Variants in ENPEP observed in about 807,000 individuals in gnomAD.
ENPEP encodes glutamyl aminopeptidase.
In ENPEP, 103 loss-of-function variants were observed where a neutral mutation model predicts 114.5. That is an observed-to-expected ratio of 0.90 (90% CI 0.77 to 1.06). ENPEP has a LOEUF of 1.06. Among genes scored for constraint, ENPEP ranks in the 50% least tolerant of loss-of-function variants. The pLI is 0.00. For missense variants in ENPEP, 1,196 were observed against 1,161.3 expected (o/e 1.03, Z -0.43); for synonymous variants, 420 against 422.0 (o/e 1.00, Z 0.06).
chr4:110,505,871 A>G (rs1725352778), intron 3 of ENPEP, among the ~76,000 whole-genome samples: 1 of 152,202 alleles, frequency 6.6e-6, no homozygotes, highest in Non-Finnish European at 1.5e-5. Flanking sequence ...TCACGACACT[A>G]TGTTGAAGAG....
chr4:110,558,270 T>TTA lies in ENPEP; in HGVS notation c.2643-1354_2643-1353dup, dbSNP rs5861011. Among the ~76,000 whole-genome samples, 1,355 of 141,674 alleles carry TTA rather than the reference T, an allele frequency of 9.6e-3. 9 individuals carry two copies. The highest frequency in any genetic ancestry group is 0.022 in the Middle Eastern group (6 of 272). The allele number at this position is 141,674 out of a possible 152,430, so 92.9% of individuals were successfully genotyped here. A position where few individuals can be genotyped will look rare whatever the true frequency, so the allele number is the denominator to read the frequency against. On this transcript the variant is annotated intron_variant, in intron 18 of 19. Transcript: ENST00000265162. ...TGGAAACATTTAATATTTATAAAAA[T>TTA]TATATATATATATATATATATATAA...
Position 110,476,244 on chromosome 4 carries a change from A to C in ENPEP, c.-171A>C. 6 of 701,312 alleles carry C rather than the reference A, an allele frequency of 8.6e-6. No homozygotes were observed. Among genetic ancestry groups the C allele is most frequent in the East Asian group, 2.9e-5 (1 of 34,846 alleles). 43.4% of individuals were successfully genotyped at this position (701,312 alleles called of 1,614,324 possible). ...CATTCATCCTGAGTGGCTGGTGGGA[A>C]CGTGAAAAGGGAGAGGAAAAGGCGC... On this transcript the variant is annotated 5_prime_UTR_variant, in exon 1 of 20. Coordinates refer to ENST00000265162, the MANE Select transcript of ENPEP (RefSeq NM_001977.4).
At chr4:110,556,232 A>G (rs895397196) in intron 18 of ENPEP, among the ~76,000 whole-genome samples, 30 of 152,110 alleles carry the variant, frequency 2.0e-4, no homozygotes, top group African/African-American at 7.2e-4. Flanking sequence ...CAAAATGCAT[A>G]CAAACAAAAA....
chr4:110,526,571 C>T (rs1237485758), intron 10 of ENPEP, among the ~76,000 whole-genome samples: 1 of 151,948 alleles, frequency 6.6e-6, no homozygotes, highest in East Asian at 1.9e-4. Context: ...GAGGTGAAGA[C>T]GAAGAGGAAG....
intron 13 of ENPEP, among the ~76,000 whole-genome samples, chr4:110,546,791 G>T (rs1727086025): frequency 2.0e-5 from 3 of 152,072 alleles, no homozygotes; most frequent in Admixed American, 2.0e-4. Flanking sequence ...AATGGGAAAA[G>T]AATCCAAAGG....
chr4:110,528,673 T>G (rs1452039858), intron 10 of ENPEP, among the ~76,000 whole-genome samples: 1 of 152,192 alleles, frequency 6.6e-6, no homozygotes, highest in Non-Finnish European at 1.5e-5. Flanking sequence ...CCGGGATGTC[T>G]CTCTCAGGAA....
intron 1 of ENPEP, among the ~76,000 whole-genome samples, chr4:110,482,014 G>A (rs1724327700): frequency 2.6e-5 from 4 of 152,130 alleles, no homozygotes; most frequent in Non-Finnish European, 5.9e-5. Flanking sequence ...TATATGAACA[G>A]GCTAGCTAGA....
chr4:110,519,454 G>T, intron 8 of ENPEP: 1 of 166,442 alleles, frequency 6.0e-6, no homozygotes, highest in Non-Finnish European at 1.3e-5. Context: ...AGAAGACTGG[G>T]AATTTTTTCT....
chr4:110,563,238 G>T lies in ENPEP; in HGVS notation c.*1680G>T, dbSNP rs1331427336. On this transcript the variant is annotated 3_prime_UTR_variant, in exon 20 of 20. Transcript: ENST00000265162. ...TTTCAAGTAGGACATATTATGAGGT[G>T]AGATGGTTTATCCTTCTGTTTTATG... The T allele has an allele frequency of 6.6e-6, 1 of 152,108 alleles. No homozygotes were observed. The allele number at this position is 152,108 out of a possible 1,614,324, so 9.4% of individuals were successfully genotyped here.
At chr4:110,485,340 G>A (rs13118687) in intron 1 of ENPEP, among the ~76,000 whole-genome samples, 62,333 of 151,964 alleles carry the variant, frequency 0.41, 13,505 homozygotes, top group Middle Eastern at 0.56. Context: ...TTATAAGAAC[G>A]GTACTAGGAA....
chr4:110,519,199 G>A (rs1416219936), intron 8 of ENPEP: 22 of 420,748 alleles, frequency 5.2e-5, no homozygotes, highest in South Asian at 3.6e-4. Flanking sequence ...TTATCTCTAT[G>A]TCTGAAAAGA....
Position 110,563,438 on chromosome 4 carries a change from G to A in ENPEP, c.*1880G>A, listed in dbSNP as rs1425841946. Reference sequence around the variant, plus strand: ...GTTTACTTCTTTTCACTCCACACGCGAAAGAGTTGTATGTACTTTGTCAGA... The same window carrying A: ...GTTTACTTCTTTTCACTCCACACGCAAAAGAGTTGTATGTACTTTGTCAGA... On this transcript the variant is annotated 3_prime_UTR_variant, in exon 20 of 20. Transcript: ENST00000265162. The A allele has an allele frequency of 2.0e-5, 3 of 152,014 alleles. No homozygotes were observed. The highest frequency in any genetic ancestry group is 4.8e-5 in the African/African-American group (2 of 41,374). The allele number at this position is 152,014 out of a possible 1,614,324, so 9.4% of individuals were successfully genotyped here.
At position 110,543,727 on chromosome 4, in the gene ENPEP, G is replaced by A. The variant is rs535080080; in HGVS notation, c.2000+657G>A. ...GTTCCTGGCACTTTGCAGAAGCTGA[G>A]GACACAGCCAATTTTATTTCTCTGG... On this transcript the variant is annotated intron_variant, in intron 13 of 19. Coordinates refer to ENST00000265162, the MANE Select transcript of ENPEP (RefSeq NM_001977.4). Among the ~76,000 whole-genome samples the A allele has an allele frequency of 8.6e-5, 13 of 151,866 alleles. No individual in the cohort carries two copies. In the East Asian group the frequency reaches 1.9e-3, roughly 23 times the overall value.
At chr4:110,552,827 T>C (rs2110398018) in intron 17 of ENPEP, among the ~76,000 whole-genome samples, 1 of 152,230 alleles carries the variant, frequency 6.6e-6, no homozygotes, top group Non-Finnish European at 1.5e-5. Context: ...GGTTACATTA[T>C]AGGATTATTT....
chr4:110,489,787 A>G (rs1249385365), intron 2 of ENPEP, among the ~76,000 whole-genome samples: 1 of 152,198 alleles, frequency 6.6e-6, no homozygotes, highest in Non-Finnish European at 1.5e-5. Flanking sequence ...ATCTTTAGGT[A>G]TAATAATCAG....
Position 110,542,732 on chromosome 4 carries a change from T to G in ENPEP, c.1808-19T>G, listed in dbSNP as rs375346371. 3 of 1,602,228 alleles carry G rather than the reference T, an allele frequency of 1.9e-6. No homozygotes were observed. Among genetic ancestry groups the G allele is most frequent in the Non-Finnish European group, 2.6e-6 (3 of 1,173,646 alleles). On this transcript the variant is annotated intron_variant, in intron 11 of 19. Coordinates refer to ENST00000265162, the MANE Select transcript of ENPEP (RefSeq NM_001977.4). ...TGCATGCAAACATGTTGCTCATTAG[T>G]GTTTATTTACTACTACAGGAATCAC...
At chr4:110,503,262 G>C (rs891613024) in intron 3 of ENPEP, among the ~76,000 whole-genome samples, 1 of 152,150 alleles carries the variant, frequency 6.6e-6, no homozygotes, top group Non-Finnish European at 1.5e-5. Context: ...TTGTCGGACT[G>C]AGTTAGTTTG....
chr4:110,529,812 G>A (rs926046849), intron 10 of ENPEP, among the ~76,000 whole-genome samples: 1 of 152,214 alleles, frequency 6.6e-6, no homozygotes, highest in African/African-American at 2.4e-5. Context: ...AGTGGCTTAT[G>A]CCTGTAATCC....
At chr4:110,553,119 G>A (rs1300898094) in intron 17 of ENPEP, among the ~76,000 whole-genome samples, 196 bp from the exon 18 acceptor site, 1 of 151,914 alleles carries the variant, frequency 6.6e-6, no homozygotes, top group Non-Finnish European at 1.5e-5. Context: ...TAAAATCATA[G>A]GTTGGTCTTT....
Sources: allele counts gnomAD v4.1 joint callset (sites outside exome capture counted in the v4.1 genomes callset), GRCh38; gene constraint gnomAD v4.1.1; transcripts MANE v1.5; gene names NCBI Gene and HGNC (gene_info 2026-07-23, HGNC 2026-07-21).